GPC6: variants seen among roughly 807,000 people sequenced by gnomAD.
GPC6 encodes glypican 6, also known as glypican-6.
In GPC6, 14 loss-of-function variants were observed where a neutral mutation model predicts 55.2. The observed-to-expected ratio is 0.25, with a 90% CI of 0.17 to 0.40. GPC6 has a LOEUF of 0.40. Ranked by LOEUF, GPC6 falls within the 10% of genes least tolerant of loss-of-function variation. The pLI, the probability that GPC6 is intolerant of heterozygous loss-of-function variation, is 1.00. For missense variants in GPC6, 641 were observed against 708.5 expected (o/e 0.90, Z 1.08); for synonymous variants, 278 against 259.6 (o/e 1.07, Z -0.68).
chr13:94,082,754 G>A (rs1885144461), intron 4 of GPC6, among the ~76,000 whole-genome samples: 2 of 152,258 alleles, frequency 1.3e-5, no homozygotes, highest in African/African-American at 4.8e-5. Context: ...TTTAGAAGTA[G>A]AGGATGTATC....
intron 2 of GPC6, among the ~76,000 whole-genome samples, chr13:93,731,561 A>T (rs186853553): frequency 5.5e-4 from 84 of 152,330 alleles, no homozygotes; most frequent in African/African-American, 1.4e-3. Flanking sequence ...AATATTAATT[A>T]TATCAAATGT....
intron 3 of GPC6, among the ~76,000 whole-genome samples, chr13:93,936,198 CT>C (rs1171150971): frequency 6.6e-6 from 1 of 152,138 alleles, no homozygotes; most frequent in Non-Finnish European, 1.5e-5. Context: ...TGTCATAATA[CT>C]TGGTAGCTTT....
intron 1 of GPC6, among the ~76,000 whole-genome samples, chr13:93,241,511 A>AT (rs1332897208): frequency 6.6e-6 from 1 of 151,812 alleles, no homozygotes; most frequent in African/African-American, 2.4e-5. Flanking sequence ...TTTTGTTTTG[A>AT]TTTTTTGATT....
intron 1 of GPC6, among the ~76,000 whole-genome samples, chr13:93,297,652 A>G (rs553878648): frequency 1.3e-5 from 2 of 151,982 alleles, no homozygotes; most frequent in East Asian, 3.9e-4. Context: ...AAAAAACAAA[A>G]TGATTTTCCC....
intron 4 of GPC6, among the ~76,000 whole-genome samples, chr13:94,149,909 A>G (rs1228010692): frequency 3.9e-5 from 6 of 152,018 alleles, no homozygotes. Flanking sequence ...TGAATCTCTG[A>G]GACTGGAATG....
At chr13:93,751,981 C>G (rs551293494) in intron 2 of GPC6, among the ~76,000 whole-genome samples, 2 of 152,170 alleles carry the variant, frequency 1.3e-5, no homozygotes, top group South Asian at 4.1e-4. Context: ...TTCTCTCAGG[C>G]TGTATTTTCT....
intron 3 of GPC6, among the ~76,000 whole-genome samples, chr13:93,933,670 A>C (rs1878292006): frequency 6.6e-6 from 1 of 152,208 alleles, no homozygotes; most frequent in Non-Finnish European, 1.5e-5. Context: ...CAATAATGTT[A>C]GTTCTTGTTA....
chr13:94,271,366 ACGCGCGCG>A (rs35593846), intron 4 of GPC6, among the ~76,000 whole-genome samples: 11 of 131,310 alleles, frequency 8.4e-5, no homozygotes, highest in Non-Finnish European at 1.5e-4. Context: ...ACACACACAC[ACGCGCGCG>A]CGCGCGCGCA....
chr13:93,724,449 G>A (rs573336674), intron 2 of GPC6, among the ~76,000 whole-genome samples: 4 of 152,010 alleles, frequency 2.6e-5, no homozygotes, highest in East Asian at 1.9e-4. Context: ...ATACTTTCTC[G>A]TGAGATTCTG....
intron 2 of GPC6, among the ~76,000 whole-genome samples, chr13:93,813,155 T>A (rs927212518): frequency 5.9e-5 from 9 of 152,092 alleles, no homozygotes; most frequent in African/African-American, 1.9e-4. Context: ...TTTAACCTCA[T>A]AAAATGTATA....
At chr13:93,444,628 A>G (rs1000138929) in intron 1 of GPC6, among the ~76,000 whole-genome samples, 1 of 152,162 alleles carries the variant, frequency 6.6e-6, no homozygotes, top group African/African-American at 2.4e-5. Flanking sequence ...CAACAACAAC[A>G]ATAAAAACAT....
chr13:93,894,918 C>G lies in GPC6; in HGVS notation c.711+64373C>G, dbSNP rs72644441. On this transcript the variant is annotated intron_variant, in intron 3 of 8. Transcript: ENST00000377047. The stretch of plus-strand genomic sequence containing the variant: ...ACTTTTGATTTATGATAATATTATT[C>G]TGAAATACGTATTTCTCAACCATTT... Among the ~76,000 whole-genome samples, 369 of 151,848 alleles carry G rather than the reference C, an allele frequency of 2.4e-3. 1 individual carries two copies. The highest frequency in any genetic ancestry group is 4.1e-3 in the Non-Finnish European group (281 of 67,894).
In GPC6 at chr13:94,403,115, C is replaced by T. The variant is rs1278326769; in HGVS notation, c.1566C>T (p.Pro522=). Residue 522 remains proline, a synonymous_variant, in exon 9 of 9, where the codon CCC becomes CCT. Coordinates refer to ENST00000377047, the MANE Select transcript of GPC6 (RefSeq NM_005708.5). ...FVTTEAPAVD[P]DRREVDSSAA... is the part of the protein sequence containing the mutation. ...CCACAGAGGCCCCCGCAGTGGATCC[C>T]GACCGGAGAGAGGTGGACTCTTCTG... 18 of 1,613,706 alleles carry T rather than the reference C, an allele frequency of 1.1e-5. No homozygotes were observed. Among genetic ancestry groups the T allele is most frequent in the East Asian group, 6.7e-5 (3 of 44,888 alleles).
chr13:93,646,973 A>G (rs1054437164), intron 2 of GPC6, among the ~76,000 whole-genome samples: 33 of 152,152 alleles, frequency 2.2e-4, no homozygotes, highest in Admixed American at 2.2e-3. Flanking sequence ...CCATGTCAAC[A>G]TAAGTGTATG....
chr13:93,584,615 C>A (rs1877102052), intron 2 of GPC6, among the ~76,000 whole-genome samples: 1 of 150,988 alleles, frequency 6.6e-6, no homozygotes, highest in South Asian at 2.1e-4. Context: ...ATAAAGAGAT[C>A]CAATAATCAA....
intron 1 of GPC6, among the ~76,000 whole-genome samples, chr13:93,416,474 A>G (rs1041587626): frequency 1.3e-5 from 2 of 152,066 alleles, no homozygotes; most frequent in African/African-American, 4.8e-5. Flanking sequence ...ACAGGCATGC[A>G]ATGTGAAATA....
intron 1 of GPC6, among the ~76,000 whole-genome samples, chr13:93,518,234 T>G (rs2590533): frequency 0.94 from 143,182 of 151,860 alleles, 68,062 homozygotes; most frequent in East Asian, 1. Flanking sequence ...TAGACAGAGT[T>G]TTGATCATTA....
At chr13:93,621,759 T>C (rs1262169112) in intron 2 of GPC6, among the ~76,000 whole-genome samples, 1 of 152,166 alleles carries the variant, frequency 6.6e-6, no homozygotes, top group African/African-American at 2.4e-5. Context: ...TGTGTACATA[T>C]TTATAGGGAA....
At chr13:94,118,281 G>A (rs1285688318) in intron 4 of GPC6, among the ~76,000 whole-genome samples, 1 of 151,940 alleles carries the variant, frequency 6.6e-6, no homozygotes, top group Non-Finnish European at 1.5e-5. Flanking sequence ...TTTTATAAAG[G>A]GCTTTTCCCC....
Sources: allele counts gnomAD v4.1 joint callset (sites outside exome capture counted in the v4.1 genomes callset), GRCh38; gene constraint gnomAD v4.1.1; transcripts MANE v1.5; gene names NCBI Gene and HGNC (gene_info 2026-07-23, HGNC 2026-07-21).